Variants in U2SURP observed in about 807,000 individuals in gnomAD.
U2SURP encodes the protein U2 snRNP associated SURP domain containing.
A neutral mutation model predicts 144.9 loss-of-function variants in U2SURP; 9 were observed. That is an observed-to-expected ratio of 0.06 (90% CI 0.04 to 0.11). The LOEUF is 0.11. Among genes scored for constraint, U2SURP ranks in the 10% least tolerant of loss-of-function variants. U2SURP has a pLI of 1.00. For missense variants in U2SURP, 724 were observed against 1,226.7 expected (o/e 0.59, Z 6.12); for synonymous variants, 408 against 396.8 (o/e 1.03, Z -0.33).
intron 2 of U2SURP, among the ~76,000 whole-genome samples, chr3:143,011,357 G>T (rs1320119097): frequency 6.6e-6 from 1 of 152,106 alleles, no homozygotes; most frequent in Non-Finnish European, 1.5e-5. Flanking sequence ...ACTACAATAA[G>T]TATTTTTTTA....
rs760173739 is a variant in U2SURP, at chr3:143,034,915, T to C, written c.1881T>C (p.Phe627=). The change falls in exon 19 of 28, where the codon TTT becomes TTC. Residue 627 remains phenylalanine (F), a synonymous_variant. Transcript: ENST00000473835. ...TTGAAACAAAGTTATGTCAGATATT[T>C]TCAGACCTCAATGCCACCTATCGTA... is the stretch of plus-strand genomic sequence containing the variant. ...KFFETKLCQI[F]SDLNATYRTI... 17 of 1,605,248 alleles carry C rather than the reference T, an allele frequency of 1.1e-5. No homozygotes were observed. In the South Asian group the frequency reaches 1.9e-4, roughly 18 times the overall value.
At chr3:143,023,854 TG>T in intron 12 of U2SURP, 120 bp from the exon 13 acceptor site, 2 of 856,412 alleles carry the variant, frequency 2.3e-6, no homozygotes, top group South Asian at 3.0e-5. Flanking sequence ...ATGCAGTGAT[TG>T]CCTGCAAAAC....
chr3:143,037,088 T>G, intron 20 of U2SURP, 91 bp from the exon 21 acceptor site: 1 of 1,244,400 alleles, frequency 8.0e-7, no homozygotes, highest in South Asian at 1.5e-5. Context: ...TATCCAGTTA[T>G]GTTGGCTTGT....
intron 23 of U2SURP, among the ~76,000 whole-genome samples, chr3:143,039,927 A>C (rs898404133): frequency 2.0e-5 from 3 of 151,874 alleles, no homozygotes. Context: ...TATTTACATA[A>C]TGTTATAGAT....
intron 18 of U2SURP, among the ~76,000 whole-genome samples, chr3:143,033,674 G>T (rs1933639206): frequency 6.6e-6 from 1 of 152,170 alleles, no homozygotes; most frequent in South Asian, 2.1e-4. Flanking sequence ...GATGAGGATA[G>T]GTTACAGGTG....
rs1233641844 is a variant in U2SURP at position 143,022,477 on chromosome 3, TC to T, written c.853-19del. Reference sequence around the variant, plus strand: ...TTTTCCCTTTTTTGCATAATAAAAATCTTTTACCCTTTTTAATAGATGAATG... The same window carrying T: ...TTTTCCCTTTTTTGCATAATAAAAATTTTTACCCTTTTTAATAGATGAATG... On this transcript the variant is annotated intron_variant, in intron 10 of 27. Coordinates refer to ENST00000473835, the MANE Select transcript of U2SURP (RefSeq NM_001080415.2). 6.8e-7 allele frequency: 1 copy of T among 1,460,746 alleles called. No homozygotes were observed. Among genetic ancestry groups the T allele is most frequent in the Admixed American group, 2.4e-5 (1 of 42,538 alleles). The allele number at this position is 1,460,746 out of a possible 1,614,324, so 90.5% of individuals were successfully genotyped here.
At chr3:143,045,360 C>T (rs34350727) in intron 24 of U2SURP, among the ~76,000 whole-genome samples, 29,252 of 120,930 alleles carry the variant, frequency 0.24, 3,422 homozygotes, top group East Asian at 0.39. Context: ...CAGAGTGAGA[C>T]GCCGTCAAAA....
rs375705628 is a variant in U2SURP at position 143,038,928 on chromosome 3, G to T, written c.2352G>T (p.Gln784His). The change falls in exon 23 of 28, where the codon CAG becomes CAT. Residue 784 changes from glutamine to histidine, a missense_variant. Coordinates refer to ENST00000473835, the MANE Select transcript of U2SURP (RefSeq NM_001080415.2). ...VTTSKWELFDQHEESEEEENQ... is the reference protein window; with the variant it reads ...VTTSKWELFDHHEESEEEENQ... ...CTTCTAAATGGGAATTATTTGACCA[G>T]CATGAAGAATCAGAAGAAGAAGAAA... 156 of 1,544,258 alleles carry T rather than the reference G, an allele frequency of 1.0e-4. No individual in the cohort carries two copies. Among genetic ancestry groups the T allele is most frequent in the Non-Finnish European group, 1.3e-4 (151 of 1,147,498 alleles).
chr3:143,043,347 C>G (rs1338886879), intron 24 of U2SURP, 71 bp downstream of exon 24: 3 of 1,475,468 alleles, frequency 2.0e-6, no homozygotes, highest in Non-Finnish European at 2.7e-6. Context: ...TAAGTTGCCT[C>G]TTTGCATTGT....
intron 16 of U2SURP, among the ~76,000 whole-genome samples, chr3:143,029,751 T>C (rs1933369791): frequency 6.6e-6 from 1 of 152,226 alleles, no homozygotes; most frequent in South Asian, 2.1e-4. Context: ...CTAGGCCTCT[T>C]GCACCAAACA....
chr3:143,018,797 TGCCTGTAATCCCA>T (rs1378911263), intron 6 of U2SURP, among the ~76,000 whole-genome samples: 1 of 152,076 alleles, frequency 6.6e-6, no homozygotes, highest in Non-Finnish European at 1.5e-5. Context: ...TGGTGGTGCA[TGCCTGTAATCCCA>T]GCTACTCGGG....
intron 14 of U2SURP, among the ~76,000 whole-genome samples, chr3:143,028,058 C>T (rs984033270): frequency 7.9e-5 from 12 of 152,042 alleles, no homozygotes; most frequent in Middle Eastern, 3.2e-3. Context: ...CTCTCCATTG[C>T]CAGACACAGT....
chr3:143,049,350 G>A (rs1337044901), intron 24 of U2SURP, among the ~76,000 whole-genome samples: 3 of 80,538 alleles, frequency 3.7e-5, no homozygotes, highest in Non-Finnish European at 7.3e-5. Context: ...GTAATAAAGG[G>A]GGGTAACAAG....
In U2SURP at chr3:143,056,368, C is replaced by T. The variant is rs762638725; in HGVS notation, c.3008C>T (p.Pro1003Leu). ...KRSRRSRSRSPKKSGKKSRSQ... is the reference protein window; with the variant it reads ...KRSRRSRSRSLKKSGKKSRSQ... ...TCTAGGCGATCACGGTCTAGATCTC[C>T]TAAAAAATCAGGAAAGAAGTCCAGA... The change falls in exon 28 of 28, where the codon CCT becomes CTT. Residue 1003 changes from proline to leucine, a missense_variant. Physicochemically the swap from Pro to Leu is moderately conservative, Grantham distance 98 (BLOSUM62 -3). Transcript: ENST00000473835. 5 of 1,612,474 alleles carry T rather than the reference C, an allele frequency of 3.1e-6. No individual in the cohort carries two copies. In the South Asian group the frequency reaches 5.5e-5, roughly 18 times the overall value.
intron 20 of U2SURP, 87 bp downstream of exon 20, chr3:143,036,191 G>A (rs1578148802): frequency 9.7e-6 from 13 of 1,341,730 alleles, no homozygotes; most frequent in Admixed American, 2.9e-5. Flanking sequence ...ACATATGTGA[G>A]GTACATTTCT....
intron 3 of U2SURP, among the ~76,000 whole-genome samples, chr3:143,013,885 G>A (rs1229326441): frequency 1.3e-5 from 2 of 152,016 alleles, no homozygotes; most frequent in African/African-American, 4.8e-5. Flanking sequence ...TGTAAAATGA[G>A]TGTTGTAGGT....
chr3:143,038,796 T>A, intron 22 of U2SURP, 98 bp from the exon 23 acceptor site: 1 of 848,130 alleles, frequency 1.2e-6, no homozygotes, highest in Non-Finnish European at 1.8e-6. Context: ...ACTTCTGTAA[T>A]ATAAACTTTT....
At chr3:143,004,034 AT>A (rs1235684991) in intron 1 of U2SURP, among the ~76,000 whole-genome samples, 2 of 152,150 alleles carry the variant, frequency 1.3e-5, no homozygotes, top group African/African-American at 4.8e-5. Flanking sequence ...TATTAGAGAA[AT>A]TGTAAGATCA....
At chr3:143,046,794 C>T (rs1450799375) in intron 24 of U2SURP, among the ~76,000 whole-genome samples, 5 of 130,434 alleles carry the variant, frequency 3.8e-5, no homozygotes, top group Non-Finnish European at 7.9e-5. Flanking sequence ...TCCACAAAAC[C>T]GCCATTGTCA....
Sources: gnomAD v4.1 joint callset for allele counts (sites outside exome capture counted in the v4.1 genomes callset) on GRCh38, gnomAD v4.1.1 for gene constraint, MANE v1.5 for transcripts, NCBI Gene and HGNC (gene_info 2026-07-23, HGNC 2026-07-21) for gene names.